The following PEX16 variants were observed in gnomAD, a reference collection of about 807,000 sequenced individuals.
The protein encoded by PEX16 is peroxisomal biogenesis factor 16.
In PEX16, 37 loss-of-function variants were observed where a neutral mutation model predicts 50.5. The ratio of observed to expected loss-of-function variants is 0.73; its 90% CI spans 0.56 to 0.96. The LOEUF is 0.96. Ranked by LOEUF, PEX16 falls within the 40% of genes least tolerant of loss-of-function variation. The probability of loss-of-function intolerance (pLI) is 0.00; values close to 1 mark genes in which losing one functional copy is unlikely to be tolerated. For synonymous variants in PEX16, 185 were observed against 190.3 expected, an observed-to-expected ratio of 0.97 and a Z score of 0.23; for missense variants, 401 against 438.3, an observed-to-expected ratio of 0.91 and a Z score of 0.76.
chr11:45,909,722 C>T lies in PEX16; in HGVS notation c.*532G>A, dbSNP rs2086754854. ...CGAGGATGCAGGGCTTAAAGTGCCA[C>T]TTGCGTGGGAGCCAGGCTCACTGTT... On this transcript the variant is annotated 3_prime_UTR_variant, in exon 11 of 11. Coordinates refer to ENST00000378750, the MANE Select transcript of PEX16 (RefSeq NM_004813.4). The T allele has an allele frequency of 2.9e-6, 1 of 339,004 alleles. No homozygotes were observed. Among genetic ancestry groups the T allele is most frequent in the South Asian group, 3.7e-5 (1 of 26,698 alleles). The allele number at this position is 339,004 out of a possible 1,614,324, so 21.0% of individuals were successfully genotyped here.
At chr11:45,914,768 A>G in intron 5 of PEX16, 84 bp from the exon 6 acceptor site, 1 of 1,133,210 alleles carries the variant, frequency 8.8e-7, no homozygotes, top group East Asian at 2.3e-5. Context: ...GTGAATGCTC[A>G]GGAGCTAAGG....
chr11:45,911,827 G>A lies in PEX16; in HGVS notation c.888-865C>T, dbSNP rs554306255. 7 of 151,894 alleles carry A rather than the reference G, an allele frequency of 4.6e-5. No individual in the cohort carries two copies. In the East Asian group the frequency reaches 1.2e-3, roughly 25 times the overall value. The allele number at this position is 151,894 out of a possible 1,614,324, so 9.4% of individuals were successfully genotyped here. A position where few individuals can be genotyped will look rare whatever the true frequency, so the allele number is the denominator to read the frequency against. ...TCAATTGTGGTCAGGAGTTCGAGAC[G>A]AGCCTGACCAACATGGAGAAACCCC... On this transcript the variant is annotated intron_variant, in intron 9 of 10. Coordinates refer to ENST00000378750, the MANE Select transcript of PEX16 (RefSeq NM_004813.4).
rs1410409965 is a variant in PEX16 at position 45,916,299 on chromosome 11, G to A, written c.153C>T (p.Tyr51=). 1.2e-6 allele frequency: 2 copies of A among 1,613,548 alleles called. No homozygotes were observed. Among genetic ancestry groups the A allele is most frequent in the Non-Finnish European group, 1.7e-6 (2 of 1,179,720 alleles). The stretch of plus-strand genomic sequence containing the variant: ...GCAGCACAAGCAGGTTAGAGGCAGA[G>A]TACACTGAGGGGTAGAGAGTGGCCT... ...ADSHELSELV[Y]SASNLLVLLN... Residue 51 remains tyrosine, a synonymous_variant, in exon 3 of 11, where the codon TAC becomes TAT. Transcript: ENST00000378750.
chr11:45,915,800 C>G lies in PEX16; in HGVS notation c.262G>C (p.Val88Leu). The change falls in exon 4 of 11, where the codon GTG becomes CTG. Residue 88 changes from valine to leucine, a missense_variant. By Grantham distance (32) the Val-to-Leu change is conservative (BLOSUM62 1). Transcript: ENST00000378750. ...SQQKLLTWLS[V>L]LECVEVFMEM... ...ATGAACACCTCCACGCACTCCAGCA[C>G]GCTCAGCCATGTCAGCAGCTTCTGC... is the stretch of plus-strand genomic sequence containing the variant. 1 of 1,613,884 alleles carries G rather than the reference C, an allele frequency of 6.2e-7. No individual in the cohort carries two copies. The highest frequency in any genetic ancestry group is 8.5e-7 in the Non-Finnish European group (1 of 1,179,938).
In PEX16 at chr11:45,909,983, A is replaced by T; in HGVS notation, c.*271T>A. On this transcript the variant is annotated 3_prime_UTR_variant, in exon 11 of 11. Transcript: ENST00000378750. ...TTCCCGGGCTCCATGAGGTGAAGTC[A>T]CCGCTTTCTGTGGGAGAGGAGCCTG... The T allele has an allele frequency of 1.9e-6, 2 of 1,058,362 alleles. No homozygotes were observed. The highest frequency in any genetic ancestry group is 2.9e-6 in the Non-Finnish European group (2 of 689,836). 65.6% of individuals were successfully genotyped at this position (1,058,362 alleles called of 1,614,324 possible). A position where few individuals can be genotyped will look rare whatever the true frequency, so the allele number is the denominator to read the frequency against.
intron 5 of PEX16, 48 bp downstream of exon 5, chr11:45,915,420 G>A: frequency 7.0e-7 from 1 of 1,424,388 alleles, no homozygotes. Flanking sequence ...AAATCCTCAA[G>A]TTAGTCCCAT....
chr11:45,909,996 G>T lies in PEX16; in HGVS notation c.*258C>A. On this transcript the variant is annotated 3_prime_UTR_variant, in exon 11 of 11. Transcript: ENST00000378750. ...TGAGGTGAAGTCACCGCTTTCTGTG[G>T]GAGAGGAGCCTGGATCCCACTCCTA... The T allele has an allele frequency of 8.5e-7, 1 of 1,179,016 alleles. No homozygotes were observed. The highest frequency in any genetic ancestry group is 1.3e-6 in the Non-Finnish European group (1 of 795,618). The allele number at this position is 1,179,016 out of a possible 1,614,324, so 73.0% of individuals were successfully genotyped here.
chr11:45,911,135 T>C (rs534409293), intron 9 of PEX16, among the ~76,000 whole-genome samples, 173 bp from the exon 10 acceptor site: 1 of 152,340 alleles, frequency 6.6e-6, no homozygotes, highest in South Asian at 2.1e-4. Context: ...GCAAGACCTC[T>C]GGGGTTGGCT....
chr11:45,916,652 T>C (rs2086839436), intron 2 of PEX16, among the ~76,000 whole-genome samples: 1 of 152,214 alleles, frequency 6.6e-6, no homozygotes, highest in African/African-American at 2.4e-5. Flanking sequence ...AGCCTGTTCC[T>C]GAGGGTCTAT....
chr11:45,915,446 A>G, intron 5 of PEX16, 22 bp downstream of exon 5: 2 of 1,591,336 alleles, frequency 1.3e-6, no homozygotes, highest in Middle Eastern at 3.3e-4. Context: ...ATTCCGCTCC[A>G]GGGCTTGGGG....
upstream of PEX16, chr11:45,918,162 T>G (rs1354118851): frequency 2.4e-6 from 1 of 409,526 alleles, no homozygotes; most frequent in Non-Finnish European, 4.6e-6. Flanking sequence ...AAAGCTCCGG[T>G]AAAGCCGGGC....
At chr11:45,917,324 T>C in intron 2 of PEX16, 134 bp downstream of exon 2, 1 of 784,678 alleles carries the variant, frequency 1.3e-6, no homozygotes, top group Non-Finnish European at 2.2e-6. Context: ...ACAGACCTTG[T>C]GCCGATTCAG....
Position 45,910,225 on chromosome 11 carries a change from C to T in PEX16, c.*29G>A. ...GGAAGAGGGGCTCCCTGCCCCACCC[C>T]TCCCCACACCCTCCTTCCGGGAGGT... On this transcript the variant is annotated 3_prime_UTR_variant, in exon 11 of 11. Coordinates refer to ENST00000378750, the MANE Select transcript of PEX16 (RefSeq NM_004813.4). The T allele has an allele frequency of 6.2e-7, 1 of 1,613,532 alleles. No individual in the cohort carries two copies. Among genetic ancestry groups the T allele is most frequent in the African/African-American group, 1.3e-5 (1 of 75,040 alleles).
At chr11:45,918,190 A>G (rs1266750372), upstream of PEX16, 4 of 351,752 alleles carry the variant, frequency 1.1e-5, no homozygotes, top group African/African-American at 2.1e-5. Context: ...AGAGCAGTTC[A>G]TTCTAGAGAA....
chr11:45,912,412 T>C (rs1437848504), intron 9 of PEX16, among the ~76,000 whole-genome samples: 1 of 151,622 alleles, frequency 6.6e-6, no homozygotes, highest in Non-Finnish European at 1.5e-5. Context: ...GACAGGAGAA[T>C]GGCATGAACC....
At chr11:45,917,188 G>A (rs1245208256) in intron 2 of PEX16, 1 of 694,958 alleles carries the variant, frequency 1.4e-6, no homozygotes, top group Admixed American at 2.0e-5. Flanking sequence ...TATGACTGTA[G>A]GGAGGATTAA....
rs762905186 is a variant in PEX16 at position 45,914,659 on chromosome 11, A to G, written c.486T>C (p.His162=). 1.9e-6 allele frequency: 3 copies of G among 1,614,186 alleles called. No individual in the cohort carries two copies. The highest frequency in any genetic ancestry group is 1.7e-5 in the Admixed American group (1 of 60,032). Residue 162 remains histidine, a synonymous_variant, in exon 6 of 11, where the codon CAT becomes CAC. Transcript: ENST00000378750. Reference sequence around the variant, plus strand: ...ACCGCTTCCCCACGTAGGACTGCTCATGGTTGCCAGGGCTGTGGTCACCAT... The same window carrying G: ...ACCGCTTCCCCACGTAGGACTGCTCGTGGTTGCCAGGGCTGTGGTCACCAT... The part of the protein sequence containing the change: ...PPDGDHSPGN[H]EQSYVGKRSN...
chr11:45,910,267 T>C lies in PEX16; in HGVS notation c.998A>G (p.Tyr333Cys). The C allele has an allele frequency of 6.2e-7, 1 of 1,612,822 alleles. No individual in the cohort carries two copies. Among genetic ancestry groups the C allele is most frequent in the South Asian group, 1.1e-5 (1 of 91,032 alleles). The change falls in exon 11 of 11, where the codon TAC (tyrosine) becomes TGC (cysteine). Residue 333 changes from tyrosine to cysteine, a missense_variant. Tyr to Cys is a radical substitution (Grantham distance 194, BLOSUM62 -2). Coordinates refer to ENST00000378750, the MANE Select transcript of PEX16 (RefSeq NM_004813.4). Reference protein sequence around the residue: ...YLPTWQKIYFYSWG With the variant: ...YLPTWQKIYFCSWG ...CCGGGAGGTCTGTCAGCCCCAACTG[T>C]AGAAGTAGATTTTCTGCCAGGTGGG...
In PEX16 at chr11:45,909,931, G is replaced by A. The variant is rs575858709; in HGVS notation, c.*323C>T. 148 of 686,006 alleles carry A rather than the reference G, an allele frequency of 2.2e-4. No homozygotes were observed. The African/African-American group carries it at 2.3e-3, about 11-fold the overall frequency. The allele number at this position is 686,006 out of a possible 1,614,324, so 42.5% of individuals were successfully genotyped here. A position where few individuals can be genotyped will look rare whatever the true frequency, so the allele number is the denominator to read the frequency against. On this transcript the variant is annotated 3_prime_UTR_variant, in exon 11 of 11. Transcript: ENST00000378750. Reference sequence around the variant, plus strand: ...GGCCAGCGAGAGAGCAGCAGTGTTCGCTCCTATGGCTGCCGAGGCGAGCAG... The same window carrying A: ...GGCCAGCGAGAGAGCAGCAGTGTTCACTCCTATGGCTGCCGAGGCGAGCAG...
Sources: gnomAD v4.1 joint callset for allele counts (sites outside exome capture counted in the v4.1 genomes callset) on GRCh38, gnomAD v4.1.1 for gene constraint, MANE v1.5 for transcripts, NCBI Gene and HGNC (gene_info 2026-07-23, HGNC 2026-07-21) for gene names.